DPP6: variants seen among roughly 807,000 people sequenced by gnomAD.
DPP6 encodes A-type potassium channel modulatory protein DPP6.
In DPP6, 69 loss-of-function variants were observed where a neutral mutation model predicts 122.6. That is an observed-to-expected ratio of 0.56 (90% CI 0.46 to 0.69). The LOEUF (loss-of-function observed/expected upper bound fraction) is 0.69. Among genes scored for constraint, DPP6 ranks in the 30% least tolerant of loss-of-function variants. DPP6 has a pLI of 0.00. For missense variants in DPP6, 928 were observed against 1,116.9 expected (o/e 0.83, Z 2.41); for synonymous variants, 418 against 433.1 (o/e 0.97, Z 0.43).
intron 1 of DPP6, among the ~76,000 whole-genome samples, chr7:154,223,274 G>T (rs561405507): frequency 6.7e-6 from 1 of 149,420 alleles, no homozygotes; most frequent in East Asian, 1.9e-4. Context: ...AGGTAAACAC[G>T]TGTGCTTACT....
At chr7:153,750,795 A>G in the DPP6 span, among the ~76,000 whole-genome samples, 3 of 152,164 alleles carry the variant, frequency 2.0e-5, no homozygotes, top group Non-Finnish European at 4.4e-5. Flanking sequence ...AGTTCTAGTC[A>G]TACCCTATCC....
intron 1 of DPP6, among the ~76,000 whole-genome samples, chr7:153,901,810 C>T (rs974376047): frequency 6.6e-6 from 1 of 152,078 alleles, no homozygotes; most frequent in African/African-American, 2.4e-5. Flanking sequence ...CATGGTCTTG[C>T]CACAAGTGCA....
chr7:154,702,733 A>G (rs1461429900), intron 7 of DPP6, among the ~76,000 whole-genome samples: 1 of 152,260 alleles, frequency 6.6e-6, no homozygotes, highest in Non-Finnish European at 1.5e-5. Context: ...ATAAAAGTGC[A>G]AGGTGAAGCA....
intron 5 of DPP6, among the ~76,000 whole-genome samples, chr7:154,623,653 G>GCACCCA (rs1251926353): frequency 9.7e-5 from 13 of 134,674 alleles, no homozygotes; most frequent in South Asian, 6.5e-4. Flanking sequence ...GCGCACACAC[G>GCACCCA]CGCACACACA....
chr7:153,870,001 A>C, the DPP6 span, among the ~76,000 whole-genome samples: 17 of 152,314 alleles, frequency 1.1e-4, 1 homozygote, highest in Admixed American at 9.8e-4. Flanking sequence ...TGGCTTGTAG[A>C]GTTTCTGCTG....
chr7:154,149,318 T>C (rs1236345302), intron 1 of DPP6, among the ~76,000 whole-genome samples: 1 of 152,370 alleles, frequency 6.6e-6, no homozygotes, highest in African/African-American at 2.4e-5. Flanking sequence ...GCTCTGGGCC[T>C]GTTGTTTCAA....
chr7:154,410,394 T>C (rs1563623299), intron 1 of DPP6, among the ~76,000 whole-genome samples: 1 of 152,258 alleles, frequency 6.6e-6, no homozygotes, highest in Non-Finnish European at 1.5e-5. Context: ...TAAACTCTGC[T>C]GGGATTAAAA....
chr7:154,523,661 CT>C lies in DPP6; in HGVS notation c.458-16865del, dbSNP rs551857665. Among the ~76,000 whole-genome samples, 246 of 152,278 alleles carry C rather than the reference CT, an allele frequency of 1.6e-3. 1 individual carries two copies. The highest frequency in any genetic ancestry group is 5.7e-3 in the African/African-American group (237 of 41,554). ...TTCTCTTAATGGTAGAATGGCTCCT[CT>C]TTTTTCTGTGATATATGCTATTTCA... On this transcript the variant is annotated intron_variant, in intron 3 of 25. Coordinates refer to ENST00000377770, the MANE Select transcript of DPP6 (RefSeq NM_130797.4).
intron 1 of DPP6, among the ~76,000 whole-genome samples, chr7:154,423,377 G>C (rs1487136780): frequency 6.6e-6 from 1 of 152,160 alleles, no homozygotes; most frequent in Admixed American, 6.5e-5. Context: ...ACAGAGACCA[G>C]ACACAGAGGC....
intron 6 of DPP6, among the ~76,000 whole-genome samples, chr7:154,665,574 G>T (rs1838097849): frequency 6.6e-6 from 1 of 151,874 alleles, no homozygotes; most frequent in Non-Finnish European, 1.5e-5. Flanking sequence ...AGATACAATT[G>T]CTCCTCCCAG....
chr7:153,947,229 C>T (rs578105419), intron 1 of DPP6, among the ~76,000 whole-genome samples: 26 of 152,188 alleles, frequency 1.7e-4, no homozygotes, highest in Non-Finnish European at 3.1e-4. Flanking sequence ...CCAGAGCTGC[C>T]GTAACCAGGG....
In DPP6 at chr7:154,189,193, A is replaced by G. The variant is rs60270723; in HGVS notation, c.243+136130A>G. Among the ~76,000 whole-genome samples the G allele has an allele frequency of 2.6e-5, 4 of 152,270 alleles. No individual in the cohort carries two copies. In the East Asian group the frequency reaches 7.7e-4, roughly 29 times the overall value. On this transcript the variant is annotated intron_variant, in intron 1 of 25. Coordinates refer to ENST00000377770, the MANE Select transcript of DPP6 (RefSeq NM_130797.4). ...ATGAGATCGTGATACCTTTTTCCCC[A>G]AGGGACTAACCACACAACCAACCAA...
At chr7:154,491,364 C>G (rs909409317) in intron 3 of DPP6, among the ~76,000 whole-genome samples, 2 of 152,154 alleles carry the variant, frequency 1.3e-5, no homozygotes, top group African/African-American at 4.8e-5. Flanking sequence ...TCATTAAGCT[C>G]GGAAAATCCT....
chr7:154,849,338 C>T (rs764721583), intron 16 of DPP6, among the ~76,000 whole-genome samples: 2 of 152,078 alleles, frequency 1.3e-5, no homozygotes, highest in Non-Finnish European at 2.9e-5. Flanking sequence ...TTATTTGTGT[C>T]GTCTCCAATT....
At chr7:154,118,161 A>G (rs1039751991) in intron 1 of DPP6, among the ~76,000 whole-genome samples, 1 of 150,866 alleles carries the variant, frequency 6.6e-6, no homozygotes, top group African/African-American at 2.5e-5. Context: ...CCAGTACCAC[A>G]GATCTACAGC....
At chr7:154,491,110 GTTTTC>G (rs1172447729) in intron 3 of DPP6, among the ~76,000 whole-genome samples, 1 of 152,186 alleles carries the variant, frequency 6.6e-6, no homozygotes, top group Non-Finnish European at 1.5e-5. Flanking sequence ...CTCATGGGAT[GTTTTC>G]TTTTCCAACT....
intron 1 of DPP6, chr7:153,887,768 G>C (rs762751898): frequency 5.6e-6 from 9 of 1,607,760 alleles, no homozygotes; most frequent in Non-Finnish European, 7.7e-6. Flanking sequence ...CGCTGGGTCG[G>C]GGGGACCCAC....
intron 1 of DPP6, among the ~76,000 whole-genome samples, chr7:154,301,847 C>T (rs1805930350): frequency 1.5e-5 from 2 of 136,584 alleles, no homozygotes; most frequent in Non-Finnish European, 3.0e-5. Context: ...GGCTGTCACC[C>T]AGCTCTGTCA....
At chr7:154,889,624 C>T (rs1206678463) in intron 25 of DPP6, 94 bp downstream of exon 25, 5 of 1,533,226 alleles carry the variant, frequency 3.3e-6, no homozygotes, top group Non-Finnish European at 2.6e-6. Context: ...TCTACTGCAG[C>T]AGACACGCCT....
Sources: gnomAD v4.1 joint callset for allele counts (sites outside exome capture counted in the v4.1 genomes callset) on GRCh38, gnomAD v4.1.1 for gene constraint, MANE v1.5 for transcripts, NCBI Gene and HGNC (gene_info 2026-07-23, HGNC 2026-07-21) for gene names.